The following JAKMIP1 variants were observed in gnomAD, a reference collection of about 807,000 sequenced individuals.
The protein encoded by JAKMIP1 is janus kinase and microtubule-interacting protein 1.
Under a neutral mutation model 113.0 loss-of-function variants are expected in JAKMIP1, and 33 were observed. The observed-to-expected ratio is 0.29, with a 90% CI of 0.22 to 0.39. JAKMIP1 has a LOEUF of 0.39. JAKMIP1 is among the 10% of genes least tolerant of loss of function. JAKMIP1 has a pLI of 1.00. For synonymous variants in JAKMIP1, 480 were observed against 459.9 expected (o/e 1.04, Z -0.56); for missense variants, 813 against 1,080.5 (o/e 0.75, Z 3.47).
At chr4:6,119,658 T>C (rs1048158024) in intron 1 of JAKMIP1, among the ~76,000 whole-genome samples, 3 of 152,210 alleles carry the variant, frequency 2.0e-5, no homozygotes, top group Admixed American at 2.0e-4. Flanking sequence ...TGAATAAGCC[T>C]TGCCTTGCCC....
chr4:6,070,728 G>A (rs1234069272), intron 8 of JAKMIP1, among the ~76,000 whole-genome samples: 8 of 152,318 alleles, frequency 5.3e-5, no homozygotes, highest in South Asian at 2.1e-4. Context: ...GCTGTTCCCC[G>A]ACAACCTCAT....
chr4:6,184,484 C>T lies in JAKMIP1; in HGVS notation c.-148+15769G>A, dbSNP rs941512614. The stretch of plus-strand genomic sequence containing the variant: ...GGCAAGGCAAGTGCAGTATAAGAGC[C>T]AGGGTGCCTTCCCTCTTCCTCAAGA... On this transcript the variant is annotated intron_variant, in intron 1 of 20. Transcript: ENST00000409021. The surrounding 1 kb of genome is among the most constrained non-coding windows in gnomAD (Gnocchi z 4.5). 6.6e-6 allele frequency among the ~76,000 whole-genome samples: 1 copy of T among 152,156 alleles called. No homozygotes were observed. The highest frequency in any genetic ancestry group is 1.5e-5 in the Non-Finnish European group (1 of 68,040).
intron 1 of JAKMIP1, among the ~76,000 whole-genome samples, chr4:6,115,440 A>C (rs1204301203): frequency 6.6e-6 from 1 of 152,160 alleles, no homozygotes; most frequent in Non-Finnish European, 1.5e-5. Context: ...AAACAAATAC[A>C]ATTTATAGTT....
rs1721101129 is a variant in JAKMIP1, at chr4:6,085,081, G to T, written c.835-116C>A. 4.7e-6 allele frequency: 6 copies of T among 1,268,866 alleles called. No homozygotes were observed. In the African/African-American group the frequency reaches 7.6e-5, roughly 16 times the overall value. The allele number at this position is 1,268,866 out of a possible 1,614,324, so 78.6% of individuals were successfully genotyped here. ...ATAATGGGTGAGATCCTTATTCAGGGGCCCACATGCCACACAGCAAGGTGG... is the reference window on the plus strand; with the variant it reads ...ATAATGGGTGAGATCCTTATTCAGGTGCCCACATGCCACACAGCAAGGTGG... On this transcript the variant is annotated intron_variant, in intron 4 of 20. Coordinates refer to ENST00000409021, the MANE Select transcript of JAKMIP1 (RefSeq NM_001099433.2).
At position 6,084,869 on chromosome 4, in the gene JAKMIP1, A is replaced by G; in HGVS notation, c.931T>C (p.Leu311=). Residue 311 remains leucine (L), a synonymous_variant, in exon 5 of 21, where the codon TTG becomes CTG. Coordinates refer to ENST00000409021, the MANE Select transcript of JAKMIP1 (RefSeq NM_001099433.2). ...ACCAGTTCATTCCTCTCATCTGCCA[A>G]CAGCGTATTTCTGTCTTCCAGCTTC... ...IRKLEDRNTL[L]ADERNELLKR... 1.2e-6 allele frequency: 2 copies of G among 1,611,574 alleles called. No homozygotes were observed. The highest frequency in any genetic ancestry group is 1.7e-6 in the Non-Finnish European group (2 of 1,179,564).
chr4:6,066,401 T>C (rs1036532247), intron 8 of JAKMIP1, among the ~76,000 whole-genome samples: 19 of 152,152 alleles, frequency 1.2e-4, no homozygotes, highest in African/African-American at 3.9e-4. Context: ...GTTCTTGCAT[T>C]TGGCACCTGT....
rs1373058578 is a variant in JAKMIP1, at chr4:6,154,410, T to C, written c.-147-41413A>G. ...GTGAAGAGAGTGGTCCCCTTCCAAG[T>C]CCCCATTTCACAACAAGCTAAAAAC... On this transcript the variant is annotated intron_variant, in intron 1 of 20. Coordinates refer to ENST00000409021, the MANE Select transcript of JAKMIP1 (RefSeq NM_001099433.2). The surrounding 1 kb of genome is among the most constrained non-coding windows in gnomAD (Gnocchi z 4.2). Among the ~76,000 whole-genome samples the C allele has an allele frequency of 6.6e-6, 1 of 151,064 alleles. No homozygotes were observed. The highest frequency in any genetic ancestry group is 1.5e-5 in the Non-Finnish European group (1 of 67,852).
chr4:6,054,952 G>A (rs1445071536), intron 12 of JAKMIP1: 5 of 432,170 alleles, frequency 1.2e-5, no homozygotes, highest in Non-Finnish European at 1.9e-5. Context: ...CGGCTCCCTG[G>A]ATTTAGTGAA....
At position 6,065,155 on chromosome 4, in the gene JAKMIP1, A is replaced by G; in HGVS notation, c.1303-147T>C. On this transcript the variant is annotated intron_variant, in intron 8 of 20. Coordinates refer to ENST00000409021, the MANE Select transcript of JAKMIP1 (RefSeq NM_001099433.2). This position sits in a 1 kb window ranked among gnomAD's most constrained non-coding sequence, Gnocchi z 5.1. The stretch of plus-strand genomic sequence containing the variant: ...ACAAGATGCGGTTGGTGGGCTTCGT[A>G]ACTGACTGGGTGGGATAAAAGGTGG... 1.0e-6 allele frequency: 1 copy of G among 998,506 alleles called. No individual in the cohort carries two copies. The highest frequency in any genetic ancestry group is 1.6e-5 in the African/African-American group (1 of 63,280). 61.9% of individuals were successfully genotyped at this position (998,506 alleles called of 1,614,324 possible).
intron 1 of JAKMIP1, among the ~76,000 whole-genome samples, chr4:6,191,846 T>C (rs1412575894): frequency 6.6e-6 from 1 of 152,216 alleles, no homozygotes; most frequent in Non-Finnish European, 1.5e-5. Flanking sequence ...GTAAAATTCA[T>C]GTGAAAATTA....
rs1578178850 is a variant in JAKMIP1 at position 6,081,148 on chromosome 4, G to A, written c.1101+461C>T. 6.6e-6 allele frequency among the ~76,000 whole-genome samples: 1 copy of A among 152,226 alleles called. No individual in the cohort carries two copies. The highest frequency in any genetic ancestry group is 1.9e-4 in the East Asian group (1 of 5,184). On this transcript the variant is annotated intron_variant, in intron 6 of 20. Coordinates refer to ENST00000409021, the MANE Select transcript of JAKMIP1 (RefSeq NM_001099433.2). This position sits in a 1 kb window ranked among gnomAD's most constrained non-coding sequence, Gnocchi z 4.6. ...TTCTGTAAACTGTCAACTACAAGAC[G>A]CCTGCCCTGACCACAAACACCAGGC...
rs1245800887 is a variant in JAKMIP1, at chr4:6,040,625, A to G, written c.2175+14T>C. 4 of 1,605,274 alleles carry G rather than the reference A, an allele frequency of 2.5e-6. No homozygotes were observed. Among genetic ancestry groups the G allele is most frequent in the Non-Finnish European group, 3.4e-6 (4 of 1,172,762 alleles). On this transcript the variant is annotated intron_variant, in intron 18 of 20. Coordinates refer to ENST00000409021, the MANE Select transcript of JAKMIP1 (RefSeq NM_001099433.2). This position sits in a 1 kb window ranked among gnomAD's most constrained non-coding sequence, Gnocchi z 5.8. ...TCTAAGAAGCCAAAGTGTCAAACCC[A>G]CTTCTGGTCCTACCAGGTAAGCCTG...
rs184260537 is a variant in JAKMIP1, at chr4:6,040,071, G to A, written c.2175+568C>T. ...TTACTCAACTCCCCTCCACCCCGAAGGAGAATTTCTCTCGTGCCAGGAGCA... is the reference window on the plus strand; with the variant it reads ...TTACTCAACTCCCCTCCACCCCGAAAGAGAATTTCTCTCGTGCCAGGAGCA... On this transcript the variant is annotated intron_variant, in intron 18 of 20. Transcript: ENST00000409021. The surrounding 1 kb of genome is among the most constrained non-coding windows in gnomAD (Gnocchi z 5.8). Among the ~76,000 whole-genome samples, 35 of 152,312 alleles carry A rather than the reference G, an allele frequency of 2.3e-4. No homozygotes were observed. In the East Asian group the frequency reaches 5.6e-3, roughly 24 times the overall value.
chr4:6,127,272 A>G (rs1717829417), intron 1 of JAKMIP1, among the ~76,000 whole-genome samples: 1 of 152,222 alleles, frequency 6.6e-6, no homozygotes, highest in African/African-American at 2.4e-5. Flanking sequence ...CAGCCAGGGC[A>G]TAGGCTGTTC....
At chr4:6,084,811 C>G (rs372998902) in intron 5 of JAKMIP1, 35 bp downstream of exon 5, 1 of 1,603,322 alleles carries the variant, frequency 6.2e-7, no homozygotes, top group Non-Finnish European at 8.5e-7. Context: ...TCCTTGCACC[C>G]TATGAGGCAC....
intron 12 of JAKMIP1, 68 bp from the exon 13 acceptor site, chr4:6,054,216 C>A (rs1045807855): frequency 4.7e-6 from 7 of 1,496,902 alleles, no homozygotes; most frequent in Non-Finnish European, 6.5e-6. Context: ...TCACAGGCCA[C>A]CTGACTGAGT....
chr4:6,161,208 G>A (rs531536641), intron 1 of JAKMIP1, among the ~76,000 whole-genome samples: 41 of 117,398 alleles, frequency 3.5e-4, no homozygotes, highest in South Asian at 1.4e-3. Flanking sequence ...TCATCTCCCC[G>A]ATCTCCACTC....
At position 6,040,610 on chromosome 4, in the gene JAKMIP1, CAA is replaced by C. The variant is rs745931515; in HGVS notation, c.2175+27_2175+28del. 27 of 1,566,366 alleles carry C rather than the reference CAA, an allele frequency of 1.7e-5. No individual in the cohort carries two copies. The highest frequency in any genetic ancestry group is 8.8e-7 in the Non-Finnish European group (1 of 1,138,040). ...GCCTCTAATGTGGAGTCTAAGAAGC[CAA>C]AGTGTCAAACCCACTTCTGGTCCTA... On this transcript the variant is annotated intron_variant, in intron 18 of 20. Transcript: ENST00000409021. The surrounding 1 kb of genome is among the most constrained non-coding windows in gnomAD (Gnocchi z 5.8).
intron 18 of JAKMIP1, among the ~76,000 whole-genome samples, chr4:6,038,153 G>A (rs58406906): frequency 4.0e-4 from 45 of 111,252 alleles, no homozygotes; most frequent in African/African-American, 1.3e-3. Flanking sequence ...GAGGCTAACC[G>A]GTATCCCTCC....
Sources: allele counts gnomAD v4.1 joint callset (sites outside exome capture counted in the v4.1 genomes callset), GRCh38; gene constraint gnomAD v4.1.1; non-coding constraint Gnocchi (gnomAD v3.1); transcripts MANE v1.5; gene names NCBI Gene and HGNC (gene_info 2026-07-23, HGNC 2026-07-21).